KRT8: variants seen among roughly 807,000 people sequenced by gnomAD.
KRT8 encodes the protein keratin, type II cytoskeletal 8.
A neutral mutation model predicts 43.0 loss-of-function variants in KRT8; 24 were observed. The ratio of observed to expected loss-of-function variants is 0.56; its 90% CI spans 0.40 to 0.78. KRT8 has a LOEUF of 0.78. Among genes scored for constraint, KRT8 ranks in the 30% least tolerant of loss-of-function variants. The probability of loss-of-function intolerance (pLI) is 0.00; values close to 1 mark genes in which losing one functional copy is unlikely to be tolerated. For missense variants in KRT8, 492 were observed against 638.4 expected (o/e 0.77, Z 2.47); for synonymous variants, 214 against 261.2 (o/e 0.82, Z 1.74).
intron 2 of KRT8, among the ~76,000 whole-genome samples, chr12:52,924,680 T>C (rs1941955280): frequency 6.6e-6 from 1 of 152,210 alleles, no homozygotes; most frequent in South Asian, 2.1e-4. Flanking sequence ...TTTGTAAAGA[T>C]AATTGCTTGT....
intron 2 of KRT8, among the ~76,000 whole-genome samples, chr12:52,931,319 G>A (rs774879466): frequency 4.6e-5 from 7 of 151,606 alleles, no homozygotes; most frequent in Non-Finnish European, 7.4e-5. Context: ...CTCCCGCCTC[G>A]GCCTCCCAAA....
At position 52,898,535 on chromosome 12, in the gene KRT8, T is replaced by C; in HGVS notation, c.1203-16A>G. 4.3e-6 allele frequency: 7 copies of C among 1,614,024 alleles called. No homozygotes were observed. The highest frequency in any genetic ancestry group is 5.9e-6 in the Non-Finnish European group (7 of 1,179,922). On this transcript the variant is annotated splice_polypyrimidine_tract_variant and intron_variant, in intron 6 of 7. Transcript: ENST00000692008. ...AGACTCCAGCCTGTACCCAGACAAA[T>C]GGGGTGTCAGGACCAACTCCTAGCC...
intron 2 of KRT8, among the ~76,000 whole-genome samples, chr12:52,938,136 CTATA>C (rs1161700326): frequency 1.4e-4 from 6 of 44,050 alleles, no homozygotes; most frequent in Admixed American, 3.1e-4. Context: ...CACTAGAAAG[CTATA>C]TATATATATA....
exon 2 of KRT8, chr12:52,901,881 C>T (rs765752136): frequency 6.2e-7 from 1 of 1,610,800 alleles, no homozygotes; most frequent in Admixed American, 1.7e-5. Context: ...TGAAGTCCTC[C>T]ACCAGCCCCT....
chr12:52,920,479 C>G (rs377392928), intron 2 of KRT8, among the ~76,000 whole-genome samples: 7 of 152,298 alleles, frequency 4.6e-5, no homozygotes, highest in African/African-American at 1.4e-4. Context: ...TGCCTGTAAT[C>G]CCAGCTACTT....
intron 2 of KRT8, chr12:52,948,490 T>A (rs1942385800): frequency 8.0e-6 from 1 of 125,668 alleles, no homozygotes; most frequent in Non-Finnish European, 1.5e-5. Context: ...CAAATTTCTT[T>A]TTTCTTTTTT....
At chr12:52,949,224 C>T in intron 2 of KRT8, 8 of 1,611,660 alleles carry the variant, frequency 5.0e-6, no homozygotes, top group Non-Finnish European at 6.8e-6. Flanking sequence ...GGTCCCTGGG[C>T]TCTGTCCAGG....
intron 2 of KRT8, among the ~76,000 whole-genome samples, chr12:52,936,616 G>A (rs565483462): frequency 3.3e-5 from 5 of 152,200 alleles, no homozygotes; most frequent in East Asian, 1.9e-4. Flanking sequence ...AGGTTCAAGC[G>A]ATTCTCCTGC....
At chr12:52,899,391 C>A (rs1273962599) in intron 5 of KRT8, among the ~76,000 whole-genome samples, 1 of 152,126 alleles carries the variant, frequency 6.6e-6, no homozygotes, top group Non-Finnish European at 1.5e-5. Context: ...GCTTCCCCTC[C>A]ACACCCTTCT....
At chr12:52,938,041 T>C (rs1263058671) in intron 2 of KRT8, among the ~76,000 whole-genome samples, 1 of 141,170 alleles carries the variant, frequency 7.1e-6, no homozygotes, top group Non-Finnish European at 1.5e-5. Flanking sequence ...GAGATACAGA[T>C]GGTAAATAAG....
At chr12:52,934,696 C>T (rs1291948415) in intron 2 of KRT8, among the ~76,000 whole-genome samples, 1 of 152,094 alleles carries the variant, frequency 6.6e-6, no homozygotes, top group African/African-American at 2.4e-5. Flanking sequence ...AGGCCAGGTG[C>T]GGTGGCTCAC....
chr12:52,935,421 A>G (rs1176825729), intron 2 of KRT8, among the ~76,000 whole-genome samples: 4 of 132,380 alleles, frequency 3.0e-5, no homozygotes, highest in South Asian at 2.7e-4. Context: ...GGCCGGGCAC[A>G]GTGGCTCACA....
At chr12:52,901,060 A>G (rs1941357435) in intron 3 of KRT8, 99 bp downstream of exon 3, 1 of 881,806 alleles carries the variant, frequency 1.1e-6, no homozygotes, top group Non-Finnish European at 2.0e-6. Context: ...TTGTCCCACT[A>G]CTTAGGAATA....
chr12:52,912,765 T>C (rs187930163), intron 2 of KRT8, among the ~76,000 whole-genome samples: 1 of 152,276 alleles, frequency 6.6e-6, no homozygotes, highest in African/African-American at 2.4e-5. Flanking sequence ...GAAATGATAA[T>C]TCGTGTGTGG....
chr12:52,921,504 A>G (rs1941885558), intron 2 of KRT8, among the ~76,000 whole-genome samples: 1 of 151,914 alleles, frequency 6.6e-6, no homozygotes, highest in African/African-American at 2.4e-5. Flanking sequence ...CCATGGCCTG[A>G]CCCTATCCTA....
chr12:52,901,961 T>C (rs1327111253), exon 2 of KRT8: 3 of 1,608,806 alleles, frequency 1.9e-6, no homozygotes, highest in Non-Finnish European at 2.5e-6. Context: ...CGCCTAAGGT[T>C]GTTGATGTAG....
At chr12:52,898,958 C>G in intron 5 of KRT8, 59 bp from the exon 6 acceptor site, 6 of 1,474,246 alleles carry the variant, frequency 4.1e-6, no homozygotes, top group Non-Finnish European at 4.7e-6. Context: ...TTCTCCCGTG[C>G]TCCCACCCTC....
At chr12:52,932,810 A>C (rs370404425) in intron 2 of KRT8, among the ~76,000 whole-genome samples, 22 of 152,184 alleles carry the variant, frequency 1.4e-4, no homozygotes, top group Admixed American at 7.9e-4. Context: ...TATAATAAAA[A>C]AAAAACAAAA....
At chr12:52,932,189 G>A (rs747278631) in intron 2 of KRT8, among the ~76,000 whole-genome samples, 40 of 149,890 alleles carry the variant, frequency 2.7e-4, no homozygotes, top group Admixed American at 8.0e-4. Flanking sequence ...CACCCTCTGG[G>A]TTCAAGTGCC....
Sources: allele counts gnomAD v4.1 joint callset (sites outside exome capture counted in the v4.1 genomes callset), GRCh38; gene constraint gnomAD v4.1.1; transcripts MANE v1.5; gene names NCBI Gene and HGNC (gene_info 2026-07-23, HGNC 2026-07-21).